The following ZCCHC7 variants were observed in gnomAD, a reference collection of about 807,000 sequenced individuals.
The protein encoded by ZCCHC7 is zinc finger CCHC-type containing 7.
Under a neutral mutation model 52.0 loss-of-function variants are expected in ZCCHC7, and 35 were observed. The observed-to-expected ratio is 0.67, with a 90% CI of 0.51 to 0.89. The LOEUF (loss-of-function observed/expected upper bound fraction) is 0.89. Among genes scored for constraint, ZCCHC7 ranks in the 40% least tolerant of loss-of-function variants. ZCCHC7 has a pLI of 0.00. For missense variants in ZCCHC7, 574 were observed against 649.1 expected (o/e 0.88, Z 1.26); for synonymous variants, 217 against 221.5 (o/e 0.98, Z 0.18).
intron 5 of ZCCHC7, among the ~76,000 whole-genome samples, chr9:37,318,973 C>G (rs537303055): frequency 9.3e-5 from 14 of 150,242 alleles, no homozygotes; most frequent in Non-Finnish European, 1.9e-4. Context: ...GTAAAATATT[C>G]CAAAATATTT....
Position 37,271,470 on chromosome 9 carries a change from A to G in ZCCHC7, c.611-30718A>G, listed in dbSNP as rs546065124. Among the ~76,000 whole-genome samples, 4 of 152,336 alleles carry G rather than the reference A, an allele frequency of 2.6e-5. No individual in the cohort carries two copies. In the South Asian group the frequency reaches 6.2e-4, roughly 24 times the overall value. On this transcript the variant is annotated intron_variant, in intron 2 of 8. Coordinates refer to ENST00000336755, the MANE Select transcript of ZCCHC7 (RefSeq NM_032226.3). ...AAGCATATATATTTATCAGGTAATT[A>G]TAGAAATTTGAACACTGATGAACAT...
chr9:37,330,944 A>G (rs181565776), intron 6 of ZCCHC7, among the ~76,000 whole-genome samples: 15 of 151,786 alleles, frequency 9.9e-5, no homozygotes, highest in Non-Finnish European at 1.8e-4. Flanking sequence ...TCTTGTTTTT[A>G]ATCTACTTAC....
At chr9:37,281,373 T>C (rs547605403) in intron 2 of ZCCHC7, among the ~76,000 whole-genome samples, 2 of 152,340 alleles carry the variant, frequency 1.3e-5, no homozygotes, top group East Asian at 3.9e-4. Context: ...GATTGTGACA[T>C]AGAGGTGAAA....
At chr9:37,350,989 G>A (rs1197016694) in intron 7 of ZCCHC7, among the ~76,000 whole-genome samples, 1 of 152,162 alleles carries the variant, frequency 6.6e-6, no homozygotes, top group Non-Finnish European at 1.5e-5. Flanking sequence ...GCAATAGGAT[G>A]GGGTGAGTGG....
chr9:37,263,516 G>T (rs892699761), intron 2 of ZCCHC7, among the ~76,000 whole-genome samples: 2 of 151,962 alleles, frequency 1.3e-5, no homozygotes, highest in African/African-American at 4.8e-5. Context: ...TAGTAACTCA[G>T]TATAACTCAT....
At chr9:37,272,905 C>T (rs916160551) in intron 2 of ZCCHC7, among the ~76,000 whole-genome samples, 4 of 152,094 alleles carry the variant, frequency 2.6e-5, no homozygotes, top group Non-Finnish European at 4.4e-5. Context: ...CCAATGTATT[C>T]GTTCTCTTAC....
At chr9:37,351,732 C>T (rs1469675318) in intron 7 of ZCCHC7, among the ~76,000 whole-genome samples, 2 of 152,142 alleles carry the variant, frequency 1.3e-5, no homozygotes, top group African/African-American at 4.8e-5. Flanking sequence ...TTTCCATTAC[C>T]ACACAAATCA....
At chr9:37,130,370 A>G (rs1588346153) in intron 2 of ZCCHC7, among the ~76,000 whole-genome samples, 1 of 92,902 alleles carries the variant, frequency 1.1e-5, no homozygotes. Context: ...TTTTTATAGC[A>G]GTGGGGTCTT....
At chr9:37,194,151 T>G (rs544593991) in intron 2 of ZCCHC7, among the ~76,000 whole-genome samples, 1 of 152,266 alleles carries the variant, frequency 6.6e-6, no homozygotes, top group Non-Finnish European at 1.5e-5. Context: ...CTCTAAAAAA[T>G]TGGGTACTTG....
At chr9:37,291,900 T>C (rs1165236300) in intron 2 of ZCCHC7, among the ~76,000 whole-genome samples, 1 of 152,036 alleles carries the variant, frequency 6.6e-6, no homozygotes, top group Non-Finnish European at 1.5e-5. Flanking sequence ...TCCATGTTGG[T>C]CAGGCTGGTC....
At chr9:37,317,976 C>A (rs916152727) in intron 5 of ZCCHC7, among the ~76,000 whole-genome samples, 1 of 151,510 alleles carries the variant, frequency 6.6e-6, no homozygotes, top group Non-Finnish European at 1.5e-5. Flanking sequence ...TCTTACAAAT[C>A]AATATAAAGA....
chr9:37,216,863 T>C (rs1157287834), intron 2 of ZCCHC7, among the ~76,000 whole-genome samples: 2 of 152,112 alleles, frequency 1.3e-5, no homozygotes, highest in African/African-American at 4.8e-5. Flanking sequence ...AAGCCTCTTA[T>C]TTTTAAAATG....
intron 2 of ZCCHC7, among the ~76,000 whole-genome samples, chr9:37,269,996 T>C (rs1429143538): frequency 6.6e-6 from 1 of 152,180 alleles, no homozygotes; most frequent in Non-Finnish European, 1.5e-5. Context: ...GAGGGCTTTG[T>C]TGTTTTATTT....
chr9:37,226,494 G>A (rs1825110801), intron 2 of ZCCHC7, among the ~76,000 whole-genome samples: 2 of 152,056 alleles, frequency 1.3e-5, no homozygotes, highest in South Asian at 2.1e-4. Flanking sequence ...GATTAAAACC[G>A]CAGGATAGTA....
chr9:37,156,811 A>G (rs375459983), intron 2 of ZCCHC7, among the ~76,000 whole-genome samples: 183 of 152,274 alleles, frequency 1.2e-3, no homozygotes, highest in South Asian at 5.8e-3. Context: ...TTAGCCTCTA[A>G]GTTAGTTGAT....
chr9:37,304,356 A>C, intron 4 of ZCCHC7, 43 bp downstream of exon 4: 19 of 1,602,976 alleles, frequency 1.2e-5, no homozygotes, highest in Non-Finnish European at 1.6e-5. Context: ...TTGTAAACTC[A>C]AAATCTCAAG....
intron 2 of ZCCHC7, among the ~76,000 whole-genome samples, chr9:37,155,096 C>T (rs1044822831): frequency 1.3e-5 from 2 of 152,132 alleles, no homozygotes; most frequent in Admixed American, 6.5e-5. Context: ...TGTAGTGGCT[C>T]ACACCTGTAA....
chr9:37,222,369 G>T (rs1824869699), intron 2 of ZCCHC7, among the ~76,000 whole-genome samples: 1 of 149,374 alleles, frequency 6.7e-6, no homozygotes, highest in African/African-American at 2.5e-5. Context: ...GTGTGTGTGT[G>T]TGTGTGTGTT....
intron 6 of ZCCHC7, among the ~76,000 whole-genome samples, chr9:37,333,497 C>T (rs1830528367): frequency 6.6e-6 from 1 of 151,680 alleles, no homozygotes; most frequent in Non-Finnish European, 1.5e-5. Context: ...AAATATGTCT[C>T]ACATGGCCTT....
Sources: gnomAD v4.1 joint callset for allele counts (sites outside exome capture counted in the v4.1 genomes callset) on GRCh38, gnomAD v4.1.1 for gene constraint, MANE v1.5 for transcripts, NCBI Gene and HGNC (gene_info 2026-07-23, HGNC 2026-07-21) for gene names.